The following HYCC1 variants were observed in gnomAD, a reference collection of about 807,000 sequenced individuals.
HYCC1 encodes the protein hyccin.
the HYCC1 span, chr7:23,013,921 T>A: frequency 2.8e-4 from 132 of 469,264 alleles, no homozygotes; most frequent in Non-Finnish European, 5.5e-4. Flanking sequence ...TCGGCTGGAC[T>A]CACCAGGGCG....
chr7:22,924,258 A>T, the HYCC1 span, among the ~76,000 whole-genome samples: 6,112 of 151,556 alleles, frequency 0.04, 181 homozygotes, highest in Non-Finnish European at 0.053. Flanking sequence ...AGCATGAGCG[A>T]TGCAGAAGAC....
the HYCC1 span, among the ~76,000 whole-genome samples, chr7:23,006,843 C>T: frequency 6.6e-6 from 1 of 152,156 alleles, no homozygotes; most frequent in African/African-American, 2.4e-5. Context: ...TACTAAAAAG[C>T]TACCCTGATG....
chr7:22,941,461 A>C, the HYCC1 span: 1 of 152,174 alleles, frequency 6.6e-6, no homozygotes, highest in Non-Finnish European at 1.5e-5. Context: ...CTAGGAATAC[A>C]ATTAGAAACA....
the HYCC1 span, among the ~76,000 whole-genome samples, chr7:22,977,757 T>C: frequency 6.6e-6 from 1 of 152,202 alleles, no homozygotes; most frequent in Non-Finnish European, 1.5e-5. Context: ...AATGACCTTA[T>C]ATTTCTTTTC....
chr7:22,927,394 G>C, the HYCC1 span, among the ~76,000 whole-genome samples: 1 of 152,108 alleles, frequency 6.6e-6, no homozygotes, highest in Non-Finnish European at 1.5e-5. Flanking sequence ...ATGAATCCAG[G>C]AGCTGGTTTT....
At chr7:22,910,892 A>G in the HYCC1 span, among the ~76,000 whole-genome samples, 2 of 151,648 alleles carry the variant, frequency 1.3e-5, no homozygotes, top group Non-Finnish European at 2.9e-5. Flanking sequence ...AAAACCATGC[A>G]GAAATCCACA....
chr7:22,991,733 G>A, the HYCC1 span, among the ~76,000 whole-genome samples: 1 of 152,086 alleles, frequency 6.6e-6, no homozygotes. Flanking sequence ...AGGAAATGCA[G>A]AACAGTTTTA....
At chr7:22,976,779 A>C in the HYCC1 span, 1 of 1,613,168 alleles carries the variant, frequency 6.2e-7, no homozygotes, top group Non-Finnish European at 8.5e-7. Context: ...GTGCACTCTC[A>C]GTCAGAGCCA....
At chr7:22,928,740 T>A in the HYCC1 span, among the ~76,000 whole-genome samples, 22 of 152,034 alleles carry the variant, frequency 1.4e-4, no homozygotes, top group Admixed American at 4.6e-4. Context: ...AGAATCAGTA[T>A]CATAAAAATG....
chr7:23,013,991 G>A, the HYCC1 span: 1 of 471,116 alleles, frequency 2.1e-6, no homozygotes, highest in Non-Finnish European at 4.4e-6. Context: ...CAGCGACGGA[G>A]GCTGCTCTGC....
At chr7:22,966,724 T>A in the HYCC1 span, among the ~76,000 whole-genome samples, 130 of 152,344 alleles carry the variant, frequency 8.5e-4, no homozygotes, top group African/African-American at 3.0e-3. Context: ...CACTTTAAAA[T>A]GTCTAAGTAT....
the HYCC1 span, among the ~76,000 whole-genome samples, chr7:22,970,903 G>A: frequency 6.6e-6 from 1 of 152,278 alleles, no homozygotes; most frequent in African/African-American, 2.4e-5. Context: ...AAACATAAGG[G>A]TATGTCCTTA....
the HYCC1 span, among the ~76,000 whole-genome samples, chr7:22,912,278 A>C: frequency 6.6e-6 from 1 of 152,208 alleles, no homozygotes; most frequent in Non-Finnish European, 1.5e-5. Context: ...AACTTTATTC[A>C]CCCAGCTCAG....
At chr7:22,915,037 C>G in the HYCC1 span, among the ~76,000 whole-genome samples, 6 of 152,172 alleles carry the variant, frequency 3.9e-5, no homozygotes, top group Non-Finnish European at 8.8e-5. Flanking sequence ...TCTTTTTCAT[C>G]AAATATAAAA....
chr7:22,975,805 C>T, the HYCC1 span, among the ~76,000 whole-genome samples: 1 of 152,148 alleles, frequency 6.6e-6, no homozygotes, highest in African/African-American at 2.4e-5. Context: ...TAGCCTCAAC[C>T]TCCCGGGCTC....
the HYCC1 span, among the ~76,000 whole-genome samples, chr7:22,925,313 C>G: frequency 6.6e-6 from 1 of 152,208 alleles, no homozygotes; most frequent in African/African-American, 2.4e-5. Flanking sequence ...TCACCAGCAA[C>G]AGAACAAAGC....
the HYCC1 span, among the ~76,000 whole-genome samples, chr7:22,931,118 T>C: frequency 6.6e-6 from 1 of 151,988 alleles, no homozygotes; most frequent in African/African-American, 2.4e-5. Flanking sequence ...TGAAGTCATA[T>C]AGGATTAAGA....
chr7:22,904,939 T>C, the HYCC1 span, among the ~76,000 whole-genome samples: 1 of 150,632 alleles, frequency 6.6e-6, no homozygotes. Context: ...ACAGGAAGCA[T>C]GGTGCTGGCA....
At chr7:22,932,141 T>C in the HYCC1 span, among the ~76,000 whole-genome samples, 1 of 152,146 alleles carries the variant, frequency 6.6e-6, no homozygotes, top group African/African-American at 2.4e-5. Flanking sequence ...AAGCCACAAA[T>C]AGAGATGGAG....
Sources: gnomAD v4.1 joint callset for allele counts (sites outside exome capture counted in the v4.1 genomes callset) on GRCh38, gnomAD v4.1.1 for gene constraint, MANE v1.5 for transcripts, NCBI Gene and HGNC (gene_info 2026-07-23, HGNC 2026-07-21) for gene names.